The following E2F6 variants were observed in gnomAD, a reference collection of about 807,000 sequenced individuals.
The protein encoded by E2F6 is transcription factor E2F6.
E2F6 carries 19 observed loss-of-function variants against 31.5 expected under a neutral mutation model. The ratio of observed to expected loss-of-function variants is 0.60; its 90% CI spans 0.42 to 0.89. E2F6 has a LOEUF of 0.89. Ranked by LOEUF, E2F6 falls within the 40% of genes least tolerant of loss-of-function variation. The pLI, the probability that E2F6 is intolerant of heterozygous loss-of-function variation, is 0.00. For synonymous variants in E2F6, 121 were observed against 127.7 expected (o/e 0.95, Z 0.36); for missense variants, 269 against 341.6 (o/e 0.79, Z 1.67).
intron 1 of E2F6, among the ~76,000 whole-genome samples, chr2:11,457,731 TAGA>T (rs1671497347): frequency 1.3e-5 from 2 of 152,228 alleles, no homozygotes; most frequent in African/African-American, 4.8e-5. Flanking sequence ...TTAGTAGAGA[TAGA>T]AGATCTATCT....
rs576224853 is a variant in E2F6 at position 11,461,638 on chromosome 2, C to T, written c.108+4134G>A. On this transcript the variant is annotated intron_variant, in intron 1 of 6. Transcript: ENST00000381525. ...GAAGTGCTGGGATTACAGGCATGAG[C>T]CACCATGACTGGCCAAGAGTTCAAC... Among the ~76,000 whole-genome samples, 109 of 152,342 alleles carry T rather than the reference C, an allele frequency of 7.2e-4. 1 individual carries two copies. Among genetic ancestry groups the T allele is most frequent in the African/African-American group, 2.5e-3 (103 of 41,582 alleles).
intron 1 of E2F6, among the ~76,000 whole-genome samples, chr2:11,461,485 G>A (rs954555455): frequency 1.6e-4 from 25 of 152,302 alleles, no homozygotes; most frequent in Middle Eastern, 3.4e-3. Context: ...CCGAGTAGCT[G>A]GGATTACAGG....
At chr2:11,450,434 T>C (rs1198965730) in intron 4 of E2F6, among the ~76,000 whole-genome samples, 1 of 152,152 alleles carries the variant, frequency 6.6e-6, no homozygotes, top group African/African-American at 2.4e-5. Context: ...TCTGAGTCCC[T>C]AACACAAATA....
intron 4 of E2F6, among the ~76,000 whole-genome samples, chr2:11,450,624 C>T (rs532458768): frequency 2.0e-5 from 3 of 152,334 alleles, no homozygotes; most frequent in African/African-American, 7.2e-5. Context: ...TCAAGACTAT[C>T]ATGTATGATG....
chr2:11,451,739 A>G lies in E2F6; in HGVS notation c.448T>C (p.Leu150=). 6.2e-7 allele frequency: 1 copy of G among 1,609,616 alleles called. No individual in the cohort carries two copies. Among genetic ancestry groups the G allele is most frequent in the Non-Finnish European group, 8.5e-7 (1 of 1,177,284 alleles). ...QKKLQEELSD[L]SAMEDALDEL... ...TCCAAAGCATCTTCCATTGCTGATA[A>G]GTCAGAAAGTTCCTCCTGTAGCTTC... is the stretch of plus-strand genomic sequence containing the variant. Residue 150 remains leucine (L), a synonymous_variant, in exon 4 of 7, where the codon TTA becomes CTA. Coordinates refer to ENST00000381525, the MANE Select transcript of E2F6 (RefSeq NM_198256.4).
At chr2:11,451,901 TA>T in intron 3 of E2F6, 95 bp from the exon 4 acceptor site, 1 of 1,257,976 alleles carries the variant, frequency 7.9e-7, no homozygotes, top group Non-Finnish European at 1.1e-6. Context: ...ATGTTTGCCA[TA>T]AGTGTTTTCC....
chr2:11,452,971 T>C (rs564627200), intron 3 of E2F6, among the ~76,000 whole-genome samples: 16 of 152,366 alleles, frequency 1.1e-4, no homozygotes, highest in African/African-American at 3.8e-4. Context: ...GGTTTTCATT[T>C]GCCTGAGAGG....
intron 1 of E2F6, among the ~76,000 whole-genome samples, chr2:11,465,076 G>A (rs559927624): frequency 6.6e-6 from 1 of 150,722 alleles, no homozygotes; most frequent in South Asian, 2.1e-4. Context: ...TACATGGGAG[G>A]CTGAAGCAGG....
intron 2 of E2F6, among the ~76,000 whole-genome samples, chr2:11,455,055 T>C (rs1671321327): frequency 6.6e-6 from 1 of 152,194 alleles, no homozygotes; most frequent in African/African-American, 2.4e-5. Context: ...TCCCCTTAAC[T>C]GGACATTTTT....
intron 1 of E2F6, among the ~76,000 whole-genome samples, chr2:11,462,407 T>C (rs1046812128): frequency 3.3e-5 from 5 of 152,320 alleles, no homozygotes; most frequent in East Asian, 1.9e-4. Flanking sequence ...AATACAACAA[T>C]TATAGCAATA....
In E2F6 at chr2:11,446,246, C is replaced by A; in HGVS notation, c.*231G>T. On this transcript the variant is annotated 3_prime_UTR_variant, in exon 7 of 7. Coordinates refer to ENST00000381525, the MANE Select transcript of E2F6 (RefSeq NM_198256.4). Reference sequence around the variant, plus strand: ...TTCAGGAGGCAAGATGTCTATTTCACTGACAAAAAGCAGTGAATAATTATA... The same window carrying A: ...TTCAGGAGGCAAGATGTCTATTTCAATGACAAAAAGCAGTGAATAATTATA... 1 of 491,530 alleles carries A rather than the reference C, an allele frequency of 2.0e-6. No homozygotes were observed. The highest frequency in any genetic ancestry group is 3.0e-5 in the South Asian group (1 of 32,940). 30.4% of individuals were successfully genotyped at this position (491,530 alleles called of 1,614,324 possible).
At chr2:11,465,178 CAAAA>C (rs59561027) in intron 1 of E2F6, among the ~76,000 whole-genome samples, 3 of 88,604 alleles carry the variant, frequency 3.4e-5, no homozygotes, top group South Asian at 4.3e-4. Context: ...AACTCAATCT[CAAAA>C]AAAAAAAAAA....
At chr2:11,457,334 G>C (rs1671469247) in intron 1 of E2F6, 101 bp from the exon 2 acceptor site, 1 of 757,584 alleles carries the variant, frequency 1.3e-6, no homozygotes, top group Non-Finnish European at 2.2e-6. Flanking sequence ...ATATGAATAT[G>C]ATAATTACTG....
chr2:11,454,874 G>C (rs1001990324), intron 2 of E2F6, among the ~76,000 whole-genome samples: 2 of 152,026 alleles, frequency 1.3e-5, no homozygotes, highest in African/African-American at 4.8e-5. Flanking sequence ...ACTCCATATT[G>C]TGAACATCCT....
Position 11,465,837 on chromosome 2 carries a change from G to T in E2F6, c.43C>A (p.Leu15Met), listed in dbSNP as rs1175604871. 6.3e-7 allele frequency: 1 copy of T among 1,590,934 alleles called. No homozygotes were observed. Among genetic ancestry groups the T allele is most frequent in the Non-Finnish European group, 8.5e-7 (1 of 1,169,712 alleles). ...CGAACCGTCTCCTCCGTCGGGTCCA[G>T]GAGGAGACTGGGTAACTTCCTCGCC... is the stretch of plus-strand genomic sequence containing the variant. The part of the protein sequence containing the change: ...RPARKLPSLL[L>M]DPTEETVRRR... Residue 15 changes from leucine (L) to methionine (M), a missense_variant, in exon 1 of 7, where the codon CTG becomes ATG. Coordinates refer to ENST00000381525, the MANE Select transcript of E2F6 (RefSeq NM_198256.4).
chr2:11,445,762 C>T lies in E2F6; in HGVS notation c.*715G>A, dbSNP rs1215944671. 1.3e-5 allele frequency: 2 copies of T among 152,054 alleles called. No individual in the cohort carries two copies. The highest frequency in any genetic ancestry group is 4.8e-5 in the African/African-American group (2 of 41,404). 9.4% of individuals were successfully genotyped at this position (152,054 alleles called of 1,614,324 possible). A position where few individuals can be genotyped will look rare whatever the true frequency, so the allele number is the denominator to read the frequency against. ...CAGCTTAAAACCAAGAAGTATCTGACTCCAATTTTAGCACTGAAAACCATA... is the reference window on the plus strand; with the variant it reads ...CAGCTTAAAACCAAGAAGTATCTGATTCCAATTTTAGCACTGAAAACCATA... On this transcript the variant is annotated 3_prime_UTR_variant, in exon 7 of 7. Transcript: ENST00000381525.
chr2:11,448,134 G>C (rs1353814841), intron 5 of E2F6, among the ~76,000 whole-genome samples: 3 of 152,174 alleles, frequency 2.0e-5, no homozygotes, highest in Non-Finnish European at 4.4e-5. Context: ...AACAGGTCTT[G>C]AGATAATGGA....
chr2:11,463,069 A>G (rs2148364622), intron 1 of E2F6, among the ~76,000 whole-genome samples: 1 of 152,374 alleles, frequency 6.6e-6, no homozygotes, highest in African/African-American at 2.4e-5. Flanking sequence ...CTGATACTAC[A>G]TGCAAACTAA....
intron 3 of E2F6, among the ~76,000 whole-genome samples, chr2:11,452,093 G>T (rs377710517): frequency 6.6e-6 from 1 of 152,130 alleles, no homozygotes; most frequent in Non-Finnish European, 1.5e-5. Flanking sequence ...AAAGGGCACT[G>T]AACTAAGAGT....
Sources: gnomAD v4.1 joint callset for allele counts (sites outside exome capture counted in the v4.1 genomes callset) on GRCh38, gnomAD v4.1.1 for gene constraint, MANE v1.5 for transcripts, NCBI Gene and HGNC (gene_info 2026-07-23, HGNC 2026-07-21) for gene names.